The following TMCC3 variants were observed in gnomAD, a reference collection of about 807,000 sequenced individuals.
TMCC3 encodes the protein transmembrane and coiled-coil domain family 3, also known as transmembrane and coiled-coil domain protein 3.
Under a neutral mutation model 40.2 loss-of-function variants are expected in TMCC3, and 28 were observed. That is an observed-to-expected ratio of 0.70 (90% CI 0.52 to 0.95). The LOEUF is 0.95. Ranked by LOEUF, TMCC3 falls within the 40% of genes least tolerant of loss-of-function variation. The pLI is 0.00. For synonymous variants in TMCC3, 255 were observed against 248.5 expected, an observed-to-expected ratio of 1.03 and a Z score of -0.25; for missense variants, 554 against 615.2, an observed-to-expected ratio of 0.90 and a Z score of 1.05.
chr12:94,581,963 G>A lies in TMCC3; in HGVS notation c.654C>T (p.Asp218=). Residue 218 remains aspartate, a synonymous_variant, in exon 2 of 4, where the codon GAC becomes GAT. Transcript: ENST00000261226. The part of the protein sequence containing the change: ...NLIRNKFGSA[D]NIAHLKNSLE... ...AGGAATTTTTCAAGTGAGCAATGTT[G>A]TCGGCGCTGCCAAACTTATTCCGGA... 1 of 1,614,238 alleles carries A rather than the reference G, an allele frequency of 6.2e-7. No individual in the cohort carries two copies. Among genetic ancestry groups the A allele is most frequent in the South Asian group, 1.1e-5 (1 of 91,086 alleles).
chr12:94,582,103 C>T lies in TMCC3; in HGVS notation c.514G>A (p.Val172Met), dbSNP rs771545501. Reference protein sequence around the residue: ...DIHRSLKDAHVKSRTAPHCME... With the variant: ...DIHRSLKDAHMKSRTAPHCME... ...CAATGGGGGGCAGTTCGAGATTTCA[C>T]GTGGGCATCTTTCAAAGAGCGATGT... is the stretch of plus-strand genomic sequence containing the variant. The change falls in exon 2 of 4, where the codon GTG (valine) becomes ATG (methionine). Residue 172 changes from valine to methionine, a missense_variant. Coordinates refer to ENST00000261226, the MANE Select transcript of TMCC3 (RefSeq NM_020698.4). The T allele has an allele frequency of 3.1e-5, 50 of 1,614,166 alleles. No homozygotes were observed. Among genetic ancestry groups the T allele is most frequent in the Non-Finnish European group, 3.6e-5 (43 of 1,180,032 alleles).
At chr12:94,583,197 A>C (rs1466120235) in intron 1 of TMCC3, among the ~76,000 whole-genome samples, 2 of 148,372 alleles carry the variant, frequency 1.3e-5, no homozygotes, top group Non-Finnish European at 3.0e-5. Flanking sequence ...AAAAAAAAAA[A>C]AGGCCGGGGG....
At chr12:94,600,867 T>C (rs2068748232) in intron 1 of TMCC3, among the ~76,000 whole-genome samples, 1 of 152,166 alleles carries the variant, frequency 6.6e-6, no homozygotes, top group Non-Finnish European at 1.5e-5. Context: ...GCATTCACTT[T>C]CTCAGGTACC....
chr12:94,583,548 A>G (rs1391369782), intron 1 of TMCC3, among the ~76,000 whole-genome samples: 1 of 152,202 alleles, frequency 6.6e-6, no homozygotes, highest in African/African-American at 2.4e-5. Context: ...CTAAGACCAC[A>G]TAAAATAGTT....
intron 1 of TMCC3, among the ~76,000 whole-genome samples, chr12:94,640,783 C>T (rs1274875178): frequency 2.0e-5 from 3 of 152,188 alleles, no homozygotes; most frequent in Non-Finnish European, 2.9e-5. Context: ...AAAGAGCTGA[C>T]GTTCAAGTTT....
chr12:94,598,525 G>T (rs1237855379), intron 1 of TMCC3: 1 of 954,758 alleles, frequency 1.0e-6, no homozygotes, highest in African/African-American at 1.8e-5. Flanking sequence ...TCATAAGTAG[G>T]AGAAGAAATG....
intron 1 of TMCC3, among the ~76,000 whole-genome samples, chr12:94,640,552 C>T (rs2068984019): frequency 6.6e-6 from 1 of 152,126 alleles, no homozygotes; most frequent in African/African-American, 2.4e-5. Flanking sequence ...AATAATGACA[C>T]TGATACTTTG....
chr12:94,609,418 T>G (rs765462566), intron 1 of TMCC3, among the ~76,000 whole-genome samples: 90 of 152,056 alleles, frequency 5.9e-4, no homozygotes, highest in Non-Finnish European at 1.1e-3. Flanking sequence ...CTGCTCAATT[T>G]CACCTCTCCC....
chr12:94,580,322 A>G (rs2068592477), intron 2 of TMCC3, among the ~76,000 whole-genome samples: 1 of 152,246 alleles, frequency 6.6e-6, no homozygotes, highest in Admixed American at 6.5e-5. Flanking sequence ...CTACTTTAAA[A>G]TTACCTAATA....
Position 94,650,346 on chromosome 12 carries a change from C to A in TMCC3, c.78+7G>T, listed in dbSNP as rs1316229744. ...GCACCCGCCGCCCCCCAGCCCGCTG[C>A]GCTCACCCGGCTCTTGCAGCGGTGG... On this transcript the variant is annotated splice_region_variant and intron_variant, in intron 1 of 3. Transcript: ENST00000261226. The A allele has an allele frequency of 4.5e-5, 59 of 1,308,086 alleles. No individual in the cohort carries two copies. The highest frequency in any genetic ancestry group is 3.4e-4 in the African/African-American group (22 of 64,964). 81.0% of individuals were successfully genotyped at this position (1,308,086 alleles called of 1,614,324 possible).
intron 1 of TMCC3, among the ~76,000 whole-genome samples, chr12:94,599,399 C>A (rs964737317): frequency 1.3e-5 from 2 of 152,096 alleles, no homozygotes; most frequent in African/African-American, 4.8e-5. Context: ...CCCACATGCA[C>A]GGAGTATTTG....
intron 1 of TMCC3, among the ~76,000 whole-genome samples, chr12:94,648,804 T>C (rs1459909732): frequency 6.6e-6 from 1 of 152,234 alleles, no homozygotes; most frequent in East Asian, 1.9e-4. Context: ...AGATTACTAA[T>C]CTTGTTTACA....
In TMCC3 at chr12:94,593,380, A is replaced by AAAGAAAGAAGAAAG. The variant is rs1329602382; in HGVS notation, c.79-10856_79-10843dup. 3.1e-5 allele frequency among the ~76,000 whole-genome samples: 2 copies of AAAGAAAGAAGAAAG among 64,438 alleles called. 1 individual carries two copies. Among genetic ancestry groups the AAAGAAAGAAGAAAG allele is most frequent in the Non-Finnish European group, 5.6e-5 (2 of 35,908 alleles). The allele number at this position is 64,438 out of a possible 152,430, so 42.3% of individuals were successfully genotyped here. On this transcript the variant is annotated intron_variant, in intron 1 of 3. Coordinates refer to ENST00000261226, the MANE Select transcript of TMCC3 (RefSeq NM_020698.4). ...CATCTAAAAAAAAAAAAAGAAAAGA[A>AAAGAAAGAAGAAAG]AAGAAAGAAGAAAGAAGAAAGAAGA...
chr12:94,603,437 A>G (rs1228374723), intron 1 of TMCC3, among the ~76,000 whole-genome samples: 2 of 152,230 alleles, frequency 1.3e-5, no homozygotes, highest in African/African-American at 2.4e-5. Flanking sequence ...TACCAAAATA[A>G]AATTTAATAA....
At chr12:94,610,363 C>A (rs1279801116) in intron 1 of TMCC3, among the ~76,000 whole-genome samples, 1 of 151,358 alleles carries the variant, frequency 6.6e-6, no homozygotes, top group Non-Finnish European at 1.5e-5. Flanking sequence ...GAAAGAAGGG[C>A]TAGGAAGAAA....
intron 3 of TMCC3, among the ~76,000 whole-genome samples, chr12:94,574,717 G>A (rs1274525): frequency 0.41 from 62,877 of 152,052 alleles, 13,368 homozygotes; most frequent in Non-Finnish European, 0.44. Context: ...CTGGCTTTCA[G>A]CAATAACAGG....
intron 1 of TMCC3, among the ~76,000 whole-genome samples, chr12:94,641,821 C>T (rs2068992636): frequency 1.3e-5 from 2 of 151,962 alleles, no homozygotes; most frequent in Admixed American, 6.6e-5. Flanking sequence ...CCCAATATCC[C>T]ACCCCAACAA....
At chr12:94,635,064 A>G (rs931926390) in intron 1 of TMCC3, among the ~76,000 whole-genome samples, 4 of 152,242 alleles carry the variant, frequency 2.6e-5, no homozygotes, top group Non-Finnish European at 5.9e-5. Context: ...TTCAATAATT[A>G]ACACAAGCGC....
At position 94,572,967 on chromosome 12, in the gene TMCC3, C is replaced by T. The variant is rs181713250; in HGVS notation, c.1132-1230G>A. Among the ~76,000 whole-genome samples, 321 of 152,288 alleles carry T rather than the reference C, an allele frequency of 2.1e-3. 1 individual carries two copies. Among genetic ancestry groups the T allele is most frequent in the Admixed American group, 5.0e-3 (76 of 15,292 alleles). On this transcript the variant is annotated intron_variant, in intron 3 of 3. Transcript: ENST00000261226. ...TCAATTACTAAGACACAGATGGCTA[C>T]AAGTGTATCTCTAGGCCAGTTCTTC...
Sources: allele counts gnomAD v4.1 joint callset (sites outside exome capture counted in the v4.1 genomes callset), GRCh38; gene constraint gnomAD v4.1.1; transcripts MANE v1.5; gene names NCBI Gene and HGNC (gene_info 2026-07-23, HGNC 2026-07-21).